The following SLC4A10 variants were observed in gnomAD, a reference collection of about 807,000 sequenced individuals.
SLC4A10 encodes the protein solute carrier family 4 member 10.
A neutral mutation model predicts 137.7 loss-of-function variants in SLC4A10; 42 were observed. The ratio of observed to expected loss-of-function variants is 0.30; its 90% CI spans 0.24 to 0.39. The LOEUF (loss-of-function observed/expected upper bound fraction) is 0.39, where lower values mean the gene tolerates loss of function less well. Ranked by LOEUF, SLC4A10 falls within the 10% of genes least tolerant of loss-of-function variation. SLC4A10 has a pLI of 1.00. For missense variants in SLC4A10, 925 were observed against 1,355.0 expected (o/e 0.68, Z 4.98); for synonymous variants, 474 against 464.1 (o/e 1.02, Z -0.27).
At chr2:161,825,811 A>C (rs193082851) in intron 3 of SLC4A10, among the ~76,000 whole-genome samples, 2 of 152,198 alleles carry the variant, frequency 1.3e-5, no homozygotes. Flanking sequence ...CTCATGTTAC[A>C]GCTCTTTCCG....
intron 10 of SLC4A10, among the ~76,000 whole-genome samples, chr2:161,888,465 T>G (rs1486962215): frequency 6.6e-6 from 1 of 152,192 alleles, no homozygotes; most frequent in Non-Finnish European, 1.5e-5. Flanking sequence ...CTCTCTTATT[T>G]CCTCGAGCAG....
intron 1 of SLC4A10, among the ~76,000 whole-genome samples, chr2:161,722,861 G>T (rs1485081224): frequency 6.6e-6 from 1 of 152,178 alleles, no homozygotes; most frequent in East Asian, 1.9e-4. Flanking sequence ...CTCTGTAAAC[G>T]CCTGGATGGA....
At chr2:161,852,866 CT>C (rs1380831089) in intron 4 of SLC4A10, among the ~76,000 whole-genome samples, 1 of 152,124 alleles carries the variant, frequency 6.6e-6, no homozygotes, top group Non-Finnish European at 1.5e-5. Context: ...ATCATTTTAC[CT>C]GTGAGAAAAC....
At chr2:161,739,986 C>G (rs113331770) in intron 1 of SLC4A10, among the ~76,000 whole-genome samples, 34 of 152,274 alleles carry the variant, frequency 2.2e-4, no homozygotes, top group African/African-American at 8.2e-4. Flanking sequence ...GCCAGGTTCC[C>G]AGCATCCTCT....
At chr2:161,979,502 G>T (rs1342380786) in intron 26 of SLC4A10, among the ~76,000 whole-genome samples, 2 of 152,160 alleles carry the variant, frequency 1.3e-5, no homozygotes, top group Admixed American at 6.5e-5. Context: ...CTTTTGATGT[G>T]ATCGCATTTG....
intron 26 of SLC4A10, among the ~76,000 whole-genome samples, chr2:161,979,121 T>C (rs1406934742): frequency 6.6e-6 from 1 of 152,210 alleles, no homozygotes; most frequent in Non-Finnish European, 1.5e-5. Context: ...TGATGGTCAA[T>C]GTGTTGAGAA....
chr2:161,630,855 G>A (rs969160160), intron 1 of SLC4A10, among the ~76,000 whole-genome samples: 1 of 151,678 alleles, frequency 6.6e-6, no homozygotes, highest in African/African-American at 2.4e-5. Flanking sequence ...AATTATCCAA[G>A]TTCACATAGC....
Position 161,942,810 on chromosome 2 carries a change from G to A in SLC4A10, c.2016G>A (p.Pro672=), listed in dbSNP as rs534800788. The A allele has an allele frequency of 2.5e-5, 40 of 1,602,470 alleles. 1 individual carries two copies. The highest frequency in any genetic ancestry group is 1.2e-4 in the Admixed American group (7 of 58,716). Residue 672 remains proline, a synonymous_variant, in exon 16 of 27, where the codon CCG becomes CCA. Coordinates refer to ENST00000446997, the MANE Select transcript of SLC4A10 (RefSeq NM_001178015.2). ...LTQYSCNCVE[P]HNPSNGTLKE... ...TTTTCAGGTGTAACTGTGTGGAACC[G>A]CATAATCCCAGCAATGGCACATTGA...
intron 1 of SLC4A10, among the ~76,000 whole-genome samples, chr2:161,756,460 T>C (rs761457506): frequency 1.3e-5 from 2 of 152,190 alleles, no homozygotes; most frequent in African/African-American, 2.4e-5. Flanking sequence ...AAATTATCTG[T>C]TGCTTAATGC....
chr2:161,957,354 G>A, intron 20 of SLC4A10, 114 bp downstream of exon 20: 1 of 1,204,284 alleles, frequency 8.3e-7, no homozygotes, highest in East Asian at 2.5e-5. Flanking sequence ...TGTGATGAAA[G>A]TGATGAATTT....
chr2:161,887,509 G>A (rs1263611536), intron 10 of SLC4A10, among the ~76,000 whole-genome samples: 2 of 152,248 alleles, frequency 1.3e-5, no homozygotes, highest in East Asian at 3.9e-4. Context: ...GTTGTCACTG[G>A]CATGAGATGG....
chr2:161,905,756 G>A lies in SLC4A10; in HGVS notation c.1866G>A (p.Arg622=), dbSNP rs1482342619. The change falls in exon 15 of 27, where the codon CGG becomes CGA. Residue 622 remains arginine (R), a synonymous_variant. Coordinates refer to ENST00000446997, the MANE Select transcript of SLC4A10 (RefSeq NM_001178015.2). ...DASSLVCYIT[R]FTEEAFASLI... ...GTTCCCTTGTCTGCTACATCACTCG[G>A]TTTACTGAAGAAGCTTTTGCTTCCC... 2.5e-6 allele frequency: 4 copies of A among 1,613,928 alleles called. No individual in the cohort carries two copies. Among genetic ancestry groups the A allele is most frequent in the Non-Finnish European group, 3.4e-6 (4 of 1,179,890 alleles).
intron 2 of SLC4A10, among the ~76,000 whole-genome samples, chr2:161,786,628 C>T (rs185420088): frequency 1.9e-4 from 28 of 150,858 alleles, no homozygotes; most frequent in African/African-American, 5.6e-4. Flanking sequence ...AAAGAGTATA[C>T]TCATTTCTGT....
intron 2 of SLC4A10, among the ~76,000 whole-genome samples, chr2:161,777,148 A>AG (rs2052448485): frequency 6.6e-6 from 1 of 151,402 alleles, no homozygotes; most frequent in South Asian, 2.1e-4. Context: ...TTAATTTTTA[A>AG]TTTTTTAAAA....
intron 4 of SLC4A10, among the ~76,000 whole-genome samples, chr2:161,852,675 T>C (rs1001905012): frequency 2.0e-5 from 3 of 152,330 alleles, no homozygotes; most frequent in African/African-American, 7.2e-5. Context: ...AGCATTAGCA[T>C]AAGATCTTTG....
intron 21 of SLC4A10, among the ~76,000 whole-genome samples, chr2:161,961,555 T>A (rs1696726941): frequency 6.6e-6 from 1 of 151,512 alleles, no homozygotes; most frequent in Non-Finnish European, 1.5e-5. Flanking sequence ...CCCTTTTTTT[T>A]TTTTTTTGCC....
At chr2:161,702,475 T>C (rs1476569962) in intron 1 of SLC4A10, among the ~76,000 whole-genome samples, 1 of 151,766 alleles carries the variant, frequency 6.6e-6, no homozygotes, top group Non-Finnish European at 1.5e-5. Context: ...GTTGACACAT[T>C]AAAAAATATT....
At chr2:161,837,645 A>C (rs1282127334) in intron 3 of SLC4A10, among the ~76,000 whole-genome samples, 1 of 152,232 alleles carries the variant, frequency 6.6e-6, no homozygotes, top group Non-Finnish European at 1.5e-5. Context: ...ACAGTTTTGA[A>C]AAAGAAGAGC....
chr2:161,870,647 T>A (rs923378675), intron 6 of SLC4A10, among the ~76,000 whole-genome samples: 4 of 151,802 alleles, frequency 2.6e-5, no homozygotes, highest in African/African-American at 9.7e-5. Flanking sequence ...AAGATTTTTT[T>A]AAAACTACAG....
Sources: allele counts gnomAD v4.1 joint callset (sites outside exome capture counted in the v4.1 genomes callset), GRCh38; gene constraint gnomAD v4.1.1; transcripts MANE v1.5; gene names NCBI Gene and HGNC (gene_info 2026-07-23, HGNC 2026-07-21).